The following STX8 variants were observed in gnomAD, a reference collection of about 807,000 sequenced individuals.
The protein encoded by STX8 is syntaxin 8, also known as syntaxin-8.
Under a neutral mutation model 37.5 loss-of-function variants are expected in STX8, and 23 were observed. The observed-to-expected ratio is 0.61, with a 90% CI of 0.44 to 0.87. The LOEUF is 0.87. Ranked by LOEUF, STX8 falls within the 40% of genes least tolerant of loss-of-function variation. The probability of loss-of-function intolerance (pLI) is 0.00; values close to 1 mark genes in which losing one functional copy is unlikely to be tolerated. For synonymous variants in STX8, 115 were observed against 99.1 expected (o/e 1.16, Z -0.95); for missense variants, 313 against 284.7 (o/e 1.10, Z -0.71).
chr17:9,499,029 A>C (rs1272790783), intron 5 of STX8, among the ~76,000 whole-genome samples: 2 of 152,176 alleles, frequency 1.3e-5, no homozygotes, highest in African/African-American at 4.8e-5. Flanking sequence ...CACAGAAGCC[A>C]AATTGGCTAA....
At chr17:9,541,317 A>G (rs1047627496) in intron 4 of STX8, among the ~76,000 whole-genome samples, 35 of 152,168 alleles carry the variant, frequency 2.3e-4, no homozygotes, top group Non-Finnish European at 1.5e-4. Flanking sequence ...AATGGAGGGC[A>G]GAGGACCAGG....
chr17:9,541,313 G>C (rs1031882494), intron 4 of STX8, among the ~76,000 whole-genome samples: 29 of 152,168 alleles, frequency 1.9e-4, no homozygotes, highest in Non-Finnish European at 2.9e-5. Flanking sequence ...GGAGAATGGA[G>C]GGCAGAGGAC....
chr17:9,349,918 G>A (rs1360376196), intron 7 of STX8, among the ~76,000 whole-genome samples: 1 of 152,072 alleles, frequency 6.6e-6, no homozygotes. Flanking sequence ...TTTTTCTTTT[G>A]TAGAGATGGG....
intron 7 of STX8, among the ~76,000 whole-genome samples, chr17:9,362,828 C>CAAAAA (rs765809132): frequency 0.012 from 1,257 of 101,678 alleles, 9 homozygotes; most frequent in African/African-American, 0.021. Context: ...GACTCCGTCT[C>CAAAAA]AAAAAAAAAA....
chr17:9,294,454 T>A (rs1204026163), intron 7 of STX8, among the ~76,000 whole-genome samples: 1 of 152,204 alleles, frequency 6.6e-6, no homozygotes, highest in Non-Finnish European at 1.5e-5. Context: ...CAGGATCAGC[T>A]CTGAGTGAGG....
chr17:9,444,935 A>G (rs944647148), intron 6 of STX8, among the ~76,000 whole-genome samples: 18 of 152,192 alleles, frequency 1.2e-4, no homozygotes, highest in Non-Finnish European at 2.4e-4. Flanking sequence ...GTTGCCGTCT[A>G]ACACAGATTG....
chr17:9,412,713 C>G (rs1239939463), intron 6 of STX8, among the ~76,000 whole-genome samples: 1 of 152,196 alleles, frequency 6.6e-6, no homozygotes, highest in African/African-American at 2.4e-5. Context: ...CTGATGTGCC[C>G]TCGACATTAT....
At chr17:9,309,844 G>T (rs758409636) in intron 7 of STX8, among the ~76,000 whole-genome samples, 3 of 152,048 alleles carry the variant, frequency 2.0e-5, no homozygotes, top group Admixed American at 6.6e-5. Flanking sequence ...GAAAAATAGG[G>T]TCTTACTGAC....
At chr17:9,375,063 CAAAAAAAAAAA>C (rs58594029) in intron 7 of STX8, among the ~76,000 whole-genome samples, 1 of 65,472 alleles carries the variant, frequency 1.5e-5, no homozygotes, top group Non-Finnish European at 3.1e-5. Context: ...GACTCTGTCT[CAAAAAAAAAAA>C]AAAAAAAAAA....
At chr17:9,268,725 C>T (rs1181485891) in intron 7 of STX8, among the ~76,000 whole-genome samples, 8 of 152,236 alleles carry the variant, frequency 5.3e-5, no homozygotes, top group African/African-American at 1.7e-4. Flanking sequence ...TCTTCAACCC[C>T]GACTCAGCTC....
At chr17:9,438,856 G>C (rs998645959) in intron 6 of STX8, among the ~76,000 whole-genome samples, 2 of 152,080 alleles carry the variant, frequency 1.3e-5, no homozygotes, top group African/African-American at 4.8e-5. Flanking sequence ...ATGAACCCGG[G>C]AGGCGGAGCT....
At chr17:9,272,020 AC>A (rs1461679502) in intron 7 of STX8, among the ~76,000 whole-genome samples, 1 of 152,042 alleles carries the variant, frequency 6.6e-6, no homozygotes, top group Non-Finnish European at 1.5e-5. Flanking sequence ...CTGATGATGC[AC>A]CCCGAGAAGT....
chr17:9,489,379 A>G (rs1365884081), intron 6 of STX8, among the ~76,000 whole-genome samples: 2 of 152,230 alleles, frequency 1.3e-5, no homozygotes, highest in Admixed American at 6.5e-5. Context: ...GCAGCAAAGT[A>G]TGATAACCAC....
chr17:9,573,580 T>TTCA (rs573700133), intron 1 of STX8, among the ~76,000 whole-genome samples: 3 of 152,204 alleles, frequency 2.0e-5, no homozygotes, highest in Admixed American at 6.5e-5. Flanking sequence ...GGCACAGGTC[T>TTCA]TCAGAACCTC....
intron 1 of STX8, among the ~76,000 whole-genome samples, chr17:9,572,557 A>G (rs8065718): frequency 0.98 from 149,436 of 152,218 alleles, 73,414 homozygotes; most frequent in East Asian, 1. Context: ...TTACAGGTAC[A>G]CACCAACATG....
At chr17:9,435,982 G>A (rs1904415755) in intron 6 of STX8, among the ~76,000 whole-genome samples, 1 of 152,148 alleles carries the variant, frequency 6.6e-6, no homozygotes, top group Admixed American at 6.6e-5. Flanking sequence ...CTGACTGTGG[G>A]AATCAAGCCA....
Position 9,403,130 on chromosome 17 carries a change from G to T in STX8, c.542-24477C>A, listed in dbSNP as rs529377395. Among the ~76,000 whole-genome samples, 8 of 152,294 alleles carry T rather than the reference G, an allele frequency of 5.3e-5. No individual in the cohort carries two copies. The East Asian group carries it at 1.3e-3, about 26-fold the overall frequency. On this transcript the variant is annotated intron_variant, in intron 6 of 7. Coordinates refer to ENST00000306357, the MANE Select transcript of STX8 (RefSeq NM_004853.3). ...AAGAGTCTGTCCAGACTGGACCAAG[G>T]AGATAAAGGAATCAGGGGAGGGAGG...
At chr17:9,360,869 GCAGTCAGCTCCAGAGCTGCAGAAAGTAA>G (rs1911039680) in intron 7 of STX8, among the ~76,000 whole-genome samples, 1 of 152,156 alleles carries the variant, frequency 6.6e-6, no homozygotes, top group Admixed American at 6.5e-5. Context: ...CCAGCGCTCA[GCAGTCAGCTCCAGAGCTGCAGAAAGTAA>G]CCCAGTGAGA....
At chr17:9,510,753 G>A (rs1032539435) in intron 4 of STX8, among the ~76,000 whole-genome samples, 26 of 151,308 alleles carry the variant, frequency 1.7e-4, no homozygotes, top group African/African-American at 5.6e-4. Context: ...GTAAAGGAAA[G>A]AAATAATAAA....
Sources: allele counts gnomAD v4.1 joint callset (sites outside exome capture counted in the v4.1 genomes callset), GRCh38; gene constraint gnomAD v4.1.1; transcripts MANE v1.5; gene names NCBI Gene and HGNC (gene_info 2026-07-23, HGNC 2026-07-21).